SLC22A4: variants seen among roughly 807,000 people sequenced by gnomAD.
The protein encoded by SLC22A4 is ET transporter.
SLC22A4 carries 39 observed loss-of-function variants against 56.6 expected under a neutral mutation model. The ratio of observed to expected loss-of-function variants is 0.69; its 90% CI spans 0.53 to 0.90. The LOEUF is 0.90. SLC22A4 is among the 40% of genes least tolerant of loss of function. SLC22A4 has a pLI of 0.00. For missense variants in SLC22A4, 594 were observed against 696.5 expected, an observed-to-expected ratio of 0.85 and a Z score of 1.66; for synonymous variants, 241 against 281.4, an observed-to-expected ratio of 0.86 and a Z score of 1.44.
rs146711507 is a variant in SLC22A4 at position 132,338,192 on chromosome 5, C to A, written c.1444+2192C>A. 4.0e-3 allele frequency among the ~76,000 whole-genome samples: 612 copies of A among 152,004 alleles called. 3 individuals carry two copies. The highest frequency in any genetic ancestry group is 0.012 in the African/African-American group (488 of 41,422). On this transcript the variant is annotated intron_variant, in intron 8 of 9. Transcript: ENST00000200652. ...GAGAGAAATTTTAAAGCTAGGTGTC[C>A]GGGGGAGACATCACATATTGGCAGG...
At chr5:132,321,964 C>A (rs1028250328) in intron 3 of SLC22A4, among the ~76,000 whole-genome samples, 2 of 151,910 alleles carry the variant, frequency 1.3e-5, no homozygotes, top group Non-Finnish European at 2.9e-5. Context: ...ATCTATGGCT[C>A]CATTAAAATC....
In SLC22A4 at chr5:132,331,805, G is replaced by A; in HGVS notation, c.1001G>A (p.Arg334Lys). ...QQKAFILDLF[R>K]TRNIAIMTIM... ...AAAGCTTTCATTCTGGACCTGTTCA[G>A]GACTCGGAATATTGCCATAATGACC... Residue 334 changes from arginine (R) to lysine (K), a missense_variant, in exon 6 of 10, where the codon AGG (arginine) becomes AAG (lysine). Arg to Lys is a conservative substitution (Grantham distance 26). Coordinates refer to ENST00000200652, the MANE Select transcript of SLC22A4 (RefSeq NM_003059.3). The A allele has an allele frequency of 6.2e-7, 1 of 1,613,926 alleles. No individual in the cohort carries two copies. The highest frequency in any genetic ancestry group is 8.5e-7 in the Non-Finnish European group (1 of 1,179,836).
chr5:132,340,133 T>C (rs1372689608), intron 8 of SLC22A4, among the ~76,000 whole-genome samples: 1 of 145,588 alleles, frequency 6.9e-6, no homozygotes, highest in Non-Finnish European at 1.5e-5. Flanking sequence ...TGCAGCCTAC[T>C]AGTTTGGGCA....
rs1270352048 is a variant in SLC22A4, at chr5:132,322,354, T to C, written c.823T>C (p.Trp275Arg). The C allele has an allele frequency of 1.2e-6, 2 of 1,613,150 alleles. No homozygotes were observed. Among genetic ancestry groups the C allele is most frequent in the Admixed American group, 1.7e-5 (1 of 59,992 alleles). Residue 275 changes from tryptophan to arginine, a missense_variant and splice_region_variant, in exon 4 of 10, where the codon TGG becomes CGG. Transcript: ENST00000200652. ...VPGVLCVPLW[W>R]FIPESPRWLI... is the part of the protein sequence containing the mutation. ...GGGAGTGCTGTGTGTCCCGCTGTGG[T>C]GGTGAGTGTGACTCGTCCCCAGACA... is the stretch of plus-strand genomic sequence containing the variant.
intron 1 of SLC22A4, chr5:132,295,467 C>A: frequency 2.7e-6 from 1 of 368,634 alleles, no homozygotes; most frequent in Non-Finnish European, 5.3e-6. Context: ...GGTGTACTGC[C>A]GTACCATATA....
Position 132,313,706 on chromosome 5 carries a change from C to T in SLC22A4, c.590C>T (p.Thr197Ile), listed in dbSNP as rs1311188875. 5.6e-6 allele frequency: 9 copies of T among 1,614,052 alleles called. No homozygotes were observed. In the South Asian group the frequency reaches 8.8e-5, roughly 16 times the overall value. ...QIFSISWEMF[T>I]VLFVIVGMGQ... ...TTCTCCATCAGCTGGGAGATGTTCA[C>T]TGTGTTATTTGTCATCGTGGGCATG... Residue 197 changes from threonine (T) to isoleucine (I), a missense_variant, in exon 3 of 10, where the codon ACT (threonine) becomes ATT (isoleucine). Thr to Ile is a moderately conservative substitution (Grantham distance 89, BLOSUM62 -1). Transcript: ENST00000200652.
intron 1 of SLC22A4, among the ~76,000 whole-genome samples, chr5:132,297,713 G>A (rs763485678): frequency 5.9e-5 from 9 of 151,926 alleles, no homozygotes; most frequent in Non-Finnish European, 1.2e-4. Flanking sequence ...GGGAGGCCGA[G>A]GCAGGAGGAT....
At chr5:132,339,196 G>C (rs1751123175) in intron 8 of SLC22A4, among the ~76,000 whole-genome samples, 1 of 147,480 alleles carries the variant, frequency 6.8e-6, no homozygotes. Flanking sequence ...CAAACTCTTT[G>C]CAATGGAAGA....
intron 1 of SLC22A4, among the ~76,000 whole-genome samples, chr5:132,305,706 T>C (rs1368110815): frequency 1.3e-5 from 2 of 152,194 alleles, no homozygotes; most frequent in Non-Finnish European, 2.9e-5. Flanking sequence ...CAAAACTGTC[T>C]TTCAAAACTG....
chr5:132,294,885 C>T lies in SLC22A4; in HGVS notation c.269C>T (p.Ala90Val). Residue 90 changes from alanine (A) to valine (V), a missense_variant, in exon 1 of 10, where the codon GCC becomes GTC. Physicochemically the swap from Ala to Val is moderately conservative, Grantham distance 64. Transcript: ENST00000200652. This position sits in a 1 kb window ranked among gnomAD's most constrained non-coding sequence, Gnocchi z 5.6. ...AGCCGCTACCGGCTCGCCACCATCG[C>T]CAACTTCTCGGCGCTCGGGCTGGAG... ...SCSRYRLATIANFSALGLEPG... is the reference protein window; with the variant it reads ...SCSRYRLATIVNFSALGLEPG... 2 of 1,600,044 alleles carry T rather than the reference C, an allele frequency of 1.2e-6. No individual in the cohort carries two copies. The highest frequency in any genetic ancestry group is 1.3e-5 in the African/African-American group (1 of 74,790).
intron 1 of SLC22A4, among the ~76,000 whole-genome samples, chr5:132,310,873 G>A (rs951326156): frequency 2.2e-4 from 33 of 152,286 alleles, no homozygotes; most frequent in African/African-American, 7.2e-4. Flanking sequence ...GCTGGGATAC[G>A]CAGAGCCAGT....
rs774674579 is a variant in SLC22A4, at chr5:132,313,651, G to A, written c.535G>A (p.Val179Ile). The change falls in exon 3 of 10, where the codon GTA (valine) becomes ATA (isoleucine). Residue 179 changes from valine to isoleucine, a missense_variant. Physicochemically the swap from Val to Ile is conservative, Grantham distance 29. Coordinates refer to ENST00000200652, the MANE Select transcript of SLC22A4 (RefSeq NM_003059.3). Reference sequence around the variant, plus strand: ...GAACGTTCTCTTCGCAACCATGGCTGTACAGACTGGCTTCAGCTTCCTGCA... The same window carrying A: ...GAACGTTCTCTTCGCAACCATGGCTATACAGACTGGCTTCAGCTTCCTGCA... ...RKNVLFATMA[V>I]QTGFSFLQIF... 1.9e-6 allele frequency: 3 copies of A among 1,614,076 alleles called. No individual in the cohort carries two copies. Among genetic ancestry groups the A allele is most frequent in the South Asian group, 2.2e-5 (2 of 91,086 alleles).
intron 8 of SLC22A4, 101 bp downstream of exon 8, chr5:132,336,101 A>G: frequency 8.1e-6 from 10 of 1,232,422 alleles, no homozygotes; most frequent in Non-Finnish European, 1.2e-5. Flanking sequence ...AATGTACTGG[A>G]AAAAAGTACA....
At chr5:132,313,280 G>A (rs1750236518) in intron 2 of SLC22A4, among the ~76,000 whole-genome samples, 1 of 152,212 alleles carries the variant, frequency 6.6e-6, no homozygotes, top group Non-Finnish European at 1.5e-5. Flanking sequence ...AGAAATATCT[G>A]CAATCTGTGC....
At chr5:132,318,243 T>A (rs1281303715) in intron 3 of SLC22A4, among the ~76,000 whole-genome samples, 1 of 152,210 alleles carries the variant, frequency 6.6e-6, no homozygotes. Flanking sequence ...TCCCCTGACA[T>A]GTAGCACATT....
chr5:132,300,880 T>C (rs1749892180), intron 1 of SLC22A4, among the ~76,000 whole-genome samples: 1 of 152,186 alleles, frequency 6.6e-6, no homozygotes, highest in Admixed American at 6.5e-5. Context: ...GGGAAGGAAG[T>C]GCCCCAAGCA....
rs1749923502 is a variant in SLC22A4, at chr5:132,302,334, G to A, written c.393+7325G>A. On this transcript the variant is annotated intron_variant, in intron 1 of 9. Coordinates refer to ENST00000200652, the MANE Select transcript of SLC22A4 (RefSeq NM_003059.3). ...AGGCTTTGACAGGACTGGTCAGGGG[G>A]AGCTGCAGGTACCTTGGGCCTCTAG... is the stretch of plus-strand genomic sequence containing the variant. Among the ~76,000 whole-genome samples the A allele has an allele frequency of 2.0e-5, 3 of 152,250 alleles. No individual in the cohort carries two copies. In the South Asian group the frequency reaches 6.2e-4, roughly 32 times the overall value.
In SLC22A4 at chr5:132,340,629, C is replaced by T; in HGVS notation, c.1509C>T (p.Leu503=). The change falls in exon 9 of 10, where the codon CTC becomes CTT. Residue 503 remains leucine (L), a synonymous_variant. Coordinates refer to ENST00000200652, the MANE Select transcript of SLC22A4 (RefSeq NM_003059.3). ...GTCTGACTGTCCTGATTGGAATCCTCACCCTTTTTTTCCCTGAAAGTTTGG... is the reference window on the plus strand; with the variant it reads ...GTCTGACTGTCCTGATTGGAATCCTTACCCTTTTTTTCCCTGAAAGTTTGG... ...MGSLTVLIGI[L]TLFFPESLGM... 6.8e-6 allele frequency: 11 copies of T among 1,613,778 alleles called. No individual in the cohort carries two copies. The highest frequency in any genetic ancestry group is 9.3e-6 in the Non-Finnish European group (11 of 1,179,690).
At chr5:132,326,767 C>T (rs272894) in intron 4 of SLC22A4, among the ~76,000 whole-genome samples, 90,911 of 152,116 alleles carry the variant, frequency 0.6, 27,749 homozygotes, top group African/African-American at 0.65. Context: ...CCCACACAGG[C>T]GGGTGTCAGT....
Sources: allele counts gnomAD v4.1 joint callset (sites outside exome capture counted in the v4.1 genomes callset), GRCh38; gene constraint gnomAD v4.1.1; non-coding constraint Gnocchi (gnomAD v3.1); transcripts MANE v1.5; gene names NCBI Gene and HGNC (gene_info 2026-07-23, HGNC 2026-07-21).